SPRR2F: variants seen among roughly 807,000 people sequenced by gnomAD.
SPRR2F encodes small proline-rich protein 2F.
In SPRR2F, 2 loss-of-function variants were observed where a neutral mutation model predicts 0.8. The ratio of observed to expected loss-of-function variants is 2.52; its 90% CI spans 1.03 to 7.95. SPRR2F has a LOEUF of 7.95. Among genes scored for constraint, SPRR2F ranks in the 30% most tolerant of loss-of-function variants. The probability of loss-of-function intolerance (pLI) is 0.04; values close to 1 mark genes in which losing one functional copy is unlikely to be tolerated. For synonymous variants in SPRR2F, 39 were observed against 33.4 expected, an observed-to-expected ratio of 1.17 and a Z score of -0.58; for missense variants, 80 against 85.8, an observed-to-expected ratio of 0.93 and a Z score of 0.27.
upstream of SPRR2F, among the ~76,000 whole-genome samples, chr1:153,115,690 C>T (rs1164945538): frequency 6.6e-6 from 1 of 152,144 alleles, no homozygotes. Context: ...TACACACACA[C>T]ACATACCCAC....
rs74133286 is a variant in SPRR2F, at chr1:153,112,553, G to T, written c.181C>A (p.Pro61Thr). 54,424 of 1,612,660 alleles carry T rather than the reference G, an allele frequency of 0.034. 5,672 individuals carry two copies. The East Asian group carries it at 0.39, about 12-fold the overall frequency. Residue 61 changes from proline to threonine, a missense_variant, in exon 2 of 2, where the codon CCA (proline) becomes ACA (threonine). Transcript: ENST00000468739. ...GGTGGACACTTTGGCTGGCAGGGTG[G>T]GGAAGGTGTCACAGGAGGACATTTC... ...QQKCPPVTPSPPCQPKCPPKS... is the reference protein window; with the variant it reads ...QQKCPPVTPSTPCQPKCPPKS...
intron 1 of SPRR2F, 139 bp from the exon 2 acceptor site, chr1:153,112,891 C>A: frequency 1.5e-6 from 2 of 1,370,970 alleles, no homozygotes; most frequent in African/African-American, 1.5e-5. Flanking sequence ...TTCAAGAGTC[C>A]CTGGCTTCTC....
upstream of SPRR2F, among the ~76,000 whole-genome samples, chr1:153,115,679 T>C (rs1349322696): frequency 6.6e-6 from 1 of 152,066 alleles, no homozygotes; most frequent in African/African-American, 2.4e-5. Flanking sequence ...AAGGCATACT[T>C]TACACACACA....
rs1489859327 is a variant in SPRR2F at position 153,112,453 on chromosome 1, C to T, written c.*62G>A. On this transcript the variant is annotated 3_prime_UTR_variant, in exon 2 of 2. Coordinates refer to ENST00000468739, the MANE Select transcript of SPRR2F (RefSeq NM_001014450.3). Reference sequence around the variant, plus strand: ...CTTTGATGAGAAGATGCAGGTGGAGCTGTGGAACGAGGTGAGCCAATTATC... The same window carrying T: ...CTTTGATGAGAAGATGCAGGTGGAGTTGTGGAACGAGGTGAGCCAATTATC... 1.9e-6 allele frequency: 3 copies of T among 1,564,150 alleles called. No individual in the cohort carries two copies. Among genetic ancestry groups the T allele is most frequent in the South Asian group, 1.2e-5 (1 of 81,094 alleles).
the SPRR2F span, among the ~76,000 whole-genome samples, chr1:153,119,297 T>A: frequency 6.6e-6 from 1 of 152,154 alleles, no homozygotes; most frequent in Non-Finnish European, 1.5e-5. Flanking sequence ...CAGAGATTGG[T>A]GGAATGGATA....
At chr1:153,114,022 T>A, upstream of SPRR2F, among the ~76,000 whole-genome samples, 1 of 82,784 alleles carries the variant, frequency 1.2e-5, no homozygotes, top group East Asian at 5.1e-4. Flanking sequence ...TTTTTTTTTT[T>A]GTTGCTAAGT....
chr1:153,117,577 A>G (rs1383465060), upstream of SPRR2F, among the ~76,000 whole-genome samples: 10 of 152,082 alleles, frequency 6.6e-5, no homozygotes, highest in Non-Finnish European at 1.3e-4. Flanking sequence ...AAGGAACTGA[A>G]TCATTCATTA....
At chr1:153,113,992 A>ATTTTTT (rs1171281660), upstream of SPRR2F, among the ~76,000 whole-genome samples, 160 of 78,728 alleles carry the variant, frequency 2.0e-3, 14 homozygotes, top group African/African-American at 6.9e-3. Context: ...CTGGTCCCAG[A>ATTTTTT]TTTTTTTTTT....
Position 153,112,338 on chromosome 1 carries a change from G to C in SPRR2F, c.*177C>G. 8.2e-7 allele frequency: 1 copy of C among 1,213,412 alleles called. No individual in the cohort carries two copies. Among genetic ancestry groups the C allele is most frequent in the Non-Finnish European group, 1.1e-6 (1 of 882,742 alleles). 75.2% of individuals were successfully genotyped at this position (1,213,412 alleles called of 1,614,324 possible). On this transcript the variant is annotated 3_prime_UTR_variant, in exon 2 of 2. Transcript: ENST00000468739. ...CCACCTGGACAGTGGCAGTATGGCAGCCTCAAAAAGAAAACCTTTTGCTAT... is the reference window on the plus strand; with the variant it reads ...CCACCTGGACAGTGGCAGTATGGCACCCTCAAAAAGAAAACCTTTTGCTAT...
At chr1:153,118,156 T>C (rs1655754418), upstream of SPRR2F, among the ~76,000 whole-genome samples, 1 of 152,090 alleles carries the variant, frequency 6.6e-6, no homozygotes, top group South Asian at 2.1e-4. Context: ...CACCAAGGTG[T>C]CCTTCAGTAG....
upstream of SPRR2F, among the ~76,000 whole-genome samples, chr1:153,117,450 C>A (rs1571010979): frequency 6.6e-6 from 1 of 151,970 alleles, no homozygotes; most frequent in Non-Finnish European, 1.5e-5. Context: ...ATAATGTAAT[C>A]TCTAATCTAG....
chr1:153,117,546 A>C (rs1357481751), upstream of SPRR2F, among the ~76,000 whole-genome samples: 1 of 152,022 alleles, frequency 6.6e-6, no homozygotes, highest in Non-Finnish European at 1.5e-5. Flanking sequence ...AGATTACTTA[A>C]ATTTCAGTCT....
At position 153,112,645 on chromosome 1, in the gene SPRR2F, G is replaced by T; in HGVS notation, c.89C>A (p.Pro30Gln). The change falls in exon 2 of 2, where the codon CCG becomes CAG. Residue 30 changes from proline (P) to glutamine (Q), a missense_variant. By Grantham distance (76) the Pro-to-Gln change is moderately conservative. Transcript: ENST00000468739. ...TGGTGGGCAGGGCTCAGGGCACTTC[G>T]GGGGTGGACATGGCTCTGGGCACTT... ...APKCPEPCPP[P>Q]KCPEPCPPSK... 3 of 1,612,516 alleles carry T rather than the reference G, an allele frequency of 1.9e-6. No individual in the cohort carries two copies. Among genetic ancestry groups the T allele is most frequent in the Non-Finnish European group, 2.5e-6 (3 of 1,179,824 alleles).
chr1:153,117,325 T>A (rs1655738255), upstream of SPRR2F, among the ~76,000 whole-genome samples: 2 of 152,048 alleles, frequency 1.3e-5, no homozygotes, highest in Non-Finnish European at 2.9e-5. Flanking sequence ...ACTAAGATTG[T>A]CTTCTGACTA....
chr1:153,115,893 A>C (rs1170757132), upstream of SPRR2F, among the ~76,000 whole-genome samples: 5 of 152,202 alleles, frequency 3.3e-5, no homozygotes, highest in African/African-American at 1.2e-4. Flanking sequence ...ATTAAGTTTA[A>C]ATCATTACTA....
chr1:153,117,231 T>C (rs916586599), upstream of SPRR2F, among the ~76,000 whole-genome samples: 7 of 152,064 alleles, frequency 4.6e-5, no homozygotes, highest in Non-Finnish European at 8.8e-5. Context: ...CTTACTCTTA[T>C]GTGGTGAAAA....
rs533901980 is a variant in SPRR2F at position 153,112,619 on chromosome 1, A to G, written c.115T>C (p.Ser39Pro). 4.3e-5 allele frequency: 70 copies of G among 1,612,628 alleles called. No individual in the cohort carries two copies. The African/African-American group carries it at 6.3e-4, about 14-fold the overall frequency. The change falls in exon 2 of 2, where the codon TCA becomes CCA. Residue 39 changes from serine (S) to proline (P), a missense_variant. By Grantham distance (74) the Ser-to-Pro change is moderately conservative. Coordinates refer to ENST00000468739, the MANE Select transcript of SPRR2F (RefSeq NM_001014450.3). ...GGTGGGCAGGACTGTGGACACTTTG[A>G]TGGTGGGCAGGGCTCAGGGCACTTC... ...PPKCPEPCPP[S>P]KCPQSCPPQQ...
upstream of SPRR2F, among the ~76,000 whole-genome samples, chr1:153,116,032 T>C (rs1012415911): frequency 6.6e-6 from 1 of 152,212 alleles, no homozygotes; most frequent in Admixed American, 6.5e-5. Context: ...ATTAATATTC[T>C]GCCATCAAAC....
chr1:153,116,444 A>G (rs1036943374), upstream of SPRR2F, among the ~76,000 whole-genome samples: 12 of 152,102 alleles, frequency 7.9e-5, no homozygotes, highest in Non-Finnish European at 1.3e-4. Flanking sequence ...GTTACCTATT[A>G]TTTTGTAAAG....
Sources: gnomAD v4.1 joint callset for allele counts (sites outside exome capture counted in the v4.1 genomes callset) on GRCh38, gnomAD v4.1.1 for gene constraint, MANE v1.5 for transcripts, NCBI Gene and HGNC (gene_info 2026-07-23, HGNC 2026-07-21) for gene names.